RBPJ: variants seen among roughly 807,000 people sequenced by gnomAD.
RBPJ encodes the protein recombination signal binding protein for immunoglobulin kappa J region.
RBPJ carries 9 observed loss-of-function variants against 67.8 expected under a neutral mutation model. The ratio of observed to expected loss-of-function variants is 0.13; its 90% confidence interval spans 0.08 to 0.23. RBPJ has a LOEUF of 0.23. Among genes scored for constraint, RBPJ ranks in the 10% least tolerant of loss-of-function variants. The pLI is 1.00. For missense variants in RBPJ, 305 were observed against 595.6 expected, an observed-to-expected ratio of 0.51 and a Z score of 5.08; for synonymous variants, 198 against 203.3, an observed-to-expected ratio of 0.97 and a Z score of 0.22.
At chr4:26,315,389 CA>C (rs1722579027), upstream of RBPJ, among the ~76,000 whole-genome samples, 1 of 151,394 alleles carries the variant, frequency 6.6e-6, no homozygotes, top group Non-Finnish European at 1.5e-5. Context: ...GCTGCAAAAC[CA>C]GCAAGTTTTT....
At chr4:26,289,384 C>CAAAAAAAA (rs60159669) in intron 1 of RBPJ, among the ~76,000 whole-genome samples, 6 of 78,304 alleles carry the variant, frequency 7.7e-5, no homozygotes, top group African/African-American at 2.9e-4. Context: ...GACTTGGTCT[C>CAAAAAAAA]AAAAAAAAAA....
chr4:26,337,498 C>G (rs1381397108), intron 1 of RBPJ, among the ~76,000 whole-genome samples: 1 of 151,358 alleles, frequency 6.6e-6, no homozygotes, highest in African/African-American at 2.4e-5. Flanking sequence ...GCTCCCCATG[C>G]TTACTGGCTG....
the RBPJ span, among the ~76,000 whole-genome samples, chr4:26,109,468 A>C: frequency 3.4e-3 from 117 of 34,162 alleles, 10 homozygotes; most frequent in African/African-American, 0.014. Context: ...CTCTATATAT[A>C]TATATATATA....
chr4:26,295,105 AC>A (rs2109292841), intron 1 of RBPJ, among the ~76,000 whole-genome samples: 1 of 152,304 alleles, frequency 6.6e-6, no homozygotes, highest in South Asian at 2.1e-4. Context: ...GCCGTAAATC[AC>A]TGAAAACATT....
chr4:26,341,102 G>A (rs979193461), intron 1 of RBPJ, among the ~76,000 whole-genome samples: 1 of 152,160 alleles, frequency 6.6e-6, no homozygotes, highest in African/African-American at 2.4e-5. Context: ...TAATCATCAA[G>A]ATCTGTGTTG....
chr4:26,398,607 T>G (rs1732411123), intron 2 of RBPJ, among the ~76,000 whole-genome samples: 1 of 152,184 alleles, frequency 6.6e-6, no homozygotes, highest in Non-Finnish European at 1.5e-5. Flanking sequence ...CAATCTCATC[T>G]TTCAGAATTC....
intron 1 of RBPJ, among the ~76,000 whole-genome samples, chr4:26,376,948 T>C (rs932481409): frequency 2.6e-5 from 4 of 152,222 alleles, no homozygotes; most frequent in Non-Finnish European, 5.9e-5. Context: ...CTTAGAGAAA[T>C]GTCTATTCCT....
At chr4:26,342,415 G>C (rs1460560838) in intron 1 of RBPJ, among the ~76,000 whole-genome samples, 1 of 152,126 alleles carries the variant, frequency 6.6e-6, no homozygotes, top group Non-Finnish European at 1.5e-5. Flanking sequence ...GGGAGAAATG[G>C]AATTCAAACC....
chr4:26,216,192 C>T (rs1298311161), intron 1 of RBPJ, among the ~76,000 whole-genome samples: 2 of 152,124 alleles, frequency 1.3e-5, no homozygotes, highest in Admixed American at 6.6e-5. Flanking sequence ...TTAAGGCTCA[C>T]CTGGATAATC....
intron 1 of RBPJ, among the ~76,000 whole-genome samples, chr4:26,182,993 G>A (rs1355319958): frequency 6.6e-6 from 1 of 152,198 alleles, no homozygotes; most frequent in African/African-American, 2.4e-5. Context: ...TGAAGGACCT[G>A]CCTGAGGCTG....
At chr4:26,189,100 C>T (rs775587508) in intron 1 of RBPJ, among the ~76,000 whole-genome samples, 3 of 151,992 alleles carry the variant, frequency 2.0e-5, no homozygotes, top group Non-Finnish European at 4.4e-5. Flanking sequence ...ATCTGTAATC[C>T]CAGTGCTTTG....
chr4:26,276,285 A>G (rs1560240260), intron 1 of RBPJ, among the ~76,000 whole-genome samples: 1 of 151,858 alleles, frequency 6.6e-6, no homozygotes, highest in African/African-American at 2.4e-5. Flanking sequence ...AAAAAAAAAA[A>G]AAAGAAAAAG....
chr4:26,315,167 A>AAAAAATATAT (rs1325689348), upstream of RBPJ, among the ~76,000 whole-genome samples: 38 of 74,740 alleles, frequency 5.1e-4, no homozygotes, highest in African/African-American at 8.1e-4. Context: ...AAAAAAAAAA[A>AAAAAATATAT]ATATATATAT....
intron 1 of RBPJ, among the ~76,000 whole-genome samples, chr4:26,234,840 A>G (rs563148083): frequency 1.3e-5 from 2 of 152,044 alleles, no homozygotes; most frequent in South Asian, 2.1e-4. Flanking sequence ...TTACAGGCAC[A>G]TGCCACCACG....
intron 1 of RBPJ, among the ~76,000 whole-genome samples, chr4:26,177,217 C>G (rs1302087621): frequency 6.6e-6 from 1 of 152,192 alleles, no homozygotes; most frequent in Non-Finnish European, 1.5e-5. Flanking sequence ...GCCTTTCGCT[C>G]TAGCTCGTCA....
chr4:26,152,927 G>A, the RBPJ span, among the ~76,000 whole-genome samples: 1 of 152,190 alleles, frequency 6.6e-6, no homozygotes, highest in African/African-American at 2.4e-5. Context: ...TAGAAGTGCA[G>A]GTTAAGTGTC....
intron 1 of RBPJ, among the ~76,000 whole-genome samples, chr4:26,234,572 T>G (rs1184857651): frequency 6.6e-6 from 1 of 152,224 alleles, no homozygotes; most frequent in Non-Finnish European, 1.5e-5. Flanking sequence ...ACTCTCTATA[T>G]AAATTGTACC....
chr4:26,411,491 A>G (rs1280846849), intron 3 of RBPJ, among the ~76,000 whole-genome samples: 1 of 151,826 alleles, frequency 6.6e-6, no homozygotes, highest in African/African-American at 2.4e-5. Context: ...GTATGATTTT[A>G]TCAGCAATAT....
At chr4:26,127,401 A>G in the RBPJ span, among the ~76,000 whole-genome samples, 1 of 152,138 alleles carries the variant, frequency 6.6e-6, no homozygotes, top group South Asian at 2.1e-4. Flanking sequence ...CTCCTTGGCT[A>G]TGGTTGGGTA....
Sources: allele counts gnomAD v4.1 joint callset (sites outside exome capture counted in the v4.1 genomes callset), GRCh38; gene constraint gnomAD v4.1.1; transcripts MANE v1.5; gene names NCBI Gene and HGNC (gene_info 2026-07-23, HGNC 2026-07-21).